PIEZO2: variants seen among roughly 807,000 people sequenced by gnomAD.
PIEZO2 encodes the protein piezo type mechanosensitive ion channel component 2.
PIEZO2 carries 172 observed loss-of-function variants against 337.3 expected under a neutral mutation model. The observed-to-expected ratio is 0.51, with a 90% CI of 0.45 to 0.58. The LOEUF is 0.58. Ranked by LOEUF, PIEZO2 falls within the 20% of genes least tolerant of loss-of-function variation. PIEZO2 has a pLI of 0.00. For synonymous variants in PIEZO2, 1,251 were observed against 1,228.5 expected (o/e 1.02, Z -0.38); for missense variants, 3,028 against 3,391.3 (o/e 0.89, Z 2.66).
rs1358674215 is a variant in PIEZO2 at position 10,813,268 on chromosome 18, C to T, written c.918-5994G>A. Among the ~76,000 whole-genome samples the T allele has an allele frequency of 1.3e-5, 2 of 152,164 alleles. No homozygotes were observed. The highest frequency in any genetic ancestry group is 2.1e-4 in the South Asian group (1 of 4,830). ...TGCTGGCATTACAGGAGTGAGCCACCGCGCCCGGGCCATTTTAAACATTTT... is the reference window on the plus strand; with the variant it reads ...TGCTGGCATTACAGGAGTGAGCCACTGCGCCCGGGCCATTTTAAACATTTT... On this transcript the variant is annotated intron_variant, in intron 7 of 55. Coordinates refer to ENST00000674853, the MANE Select transcript of PIEZO2 (RefSeq NM_001378183.1). The surrounding 1 kb of genome is among the most constrained non-coding windows in gnomAD (Gnocchi z 4.2).
rs371136741 is a variant in PIEZO2, at chr18:10,696,432, A to G, written c.6935T>C (p.Val2312Ala). ...VYVLMFLADT[V>A]DFIIIVFGFW... ...GCCGAAGACAATGATGATGAAGTCC[A>G]CAGTGTCAGCCAGGAACATGAGTAC... is the stretch of plus-strand genomic sequence containing the variant. Residue 2312 changes from valine to alanine, a missense_variant, in exon 46 of 56, where the codon GTG becomes GCG. Physicochemically the swap from Val to Ala is moderately conservative, Grantham distance 64. This residue lies in a region of PIEZO2 where 1,925 missense variants were observed against 2,051.9 expected (regional missense o/e 0.94). Transcript: ENST00000674853. 3 of 1,614,130 alleles carry G rather than the reference A, an allele frequency of 1.9e-6. No individual in the cohort carries two copies. The highest frequency in any genetic ancestry group is 2.7e-5 in the African/African-American group (2 of 74,942).
Position 10,829,699 on chromosome 18 carries a change from A to G in PIEZO2, c.918-22425T>C, listed in dbSNP as rs2040785338. 1.3e-5 allele frequency among the ~76,000 whole-genome samples: 2 copies of G among 152,218 alleles called. 1 individual carries two copies. The highest frequency in any genetic ancestry group is 4.1e-4 in the South Asian group (2 of 4,836). ...AGAAAACAAGAAAGTGATCACATTT[A>G]TAACAGTTACAAACAAAACAAAATA... On this transcript the variant is annotated intron_variant, in intron 7 of 55. Transcript: ENST00000674853.
Position 10,787,128 on chromosome 18 carries a change from A to C in PIEZO2, c.2226T>G (p.Ile742Met). The change falls in exon 16 of 56, where the codon ATT becomes ATG. Residue 742 changes from isoleucine (I) to methionine (M), a missense_variant. Ile to Met is a conservative substitution (Grantham distance 10, BLOSUM62 1). Coordinates refer to ENST00000674853, the MANE Select transcript of PIEZO2 (RefSeq NM_001378183.1). ...ILKYFWMSVV[I>M]YTMLVLIFIY... ...TAAAGATAAGCACCAGCATAGTGTA[A>C]ATAACCACTGACATCCAAAAATATT... is the stretch of plus-strand genomic sequence containing the variant. The C allele has an allele frequency of 6.5e-7, 1 of 1,535,732 alleles. No individual in the cohort carries two copies. Among genetic ancestry groups the C allele is most frequent in the Non-Finnish European group, 8.7e-7 (1 of 1,146,116 alleles).
At chr18:10,692,818 C>T (rs2034910002) in intron 47 of PIEZO2, among the ~76,000 whole-genome samples, 1 of 152,138 alleles carries the variant, frequency 6.6e-6, no homozygotes, top group African/African-American at 2.4e-5. Flanking sequence ...CAATACTGTT[C>T]TTTTTCAAAG....
intron 3 of PIEZO2, among the ~76,000 whole-genome samples, chr18:10,968,076 C>T (rs1025163821): frequency 6.6e-6 from 1 of 152,022 alleles, no homozygotes; most frequent in Non-Finnish European, 1.5e-5. Context: ...ATTTTTATGG[C>T]TTCAGGTCTT....
In PIEZO2 at chr18:11,050,792, C is replaced by CTATATATATATATATTATA. The variant is rs528083260; in HGVS notation, c.160+15334_160+15335insTATAATATATATATATATA. 2.2e-4 allele frequency among the ~76,000 whole-genome samples: 32 copies of CTATATATATATATATTATA among 143,866 alleles called. No homozygotes were observed. The South Asian group carries it at 6.9e-3, about 31-fold the overall frequency. The allele number at this position is 143,866 out of a possible 152,430, so 94.4% of individuals were successfully genotyped here. On this transcript the variant is annotated intron_variant, in intron 2 of 55. Coordinates refer to ENST00000674853, the MANE Select transcript of PIEZO2 (RefSeq NM_001378183.1). ...AAATGTTGGAAAAGATCCTAAAAAA[C>CTATATATATATATATTATA]TATATATATATAAAATTAATAATAA...
At chr18:10,997,241 C>A (rs575495444) in intron 2 of PIEZO2, among the ~76,000 whole-genome samples, 2 of 147,476 alleles carry the variant, frequency 1.4e-5, no homozygotes, top group Admixed American at 1.4e-4. Context: ...GATTGACTGC[C>A]TGCAAAAAAA....
chr18:10,706,239 G>A (rs2035581417), intron 40 of PIEZO2, among the ~76,000 whole-genome samples: 1 of 152,200 alleles, frequency 6.6e-6, no homozygotes, highest in South Asian at 2.1e-4. Context: ...GAATGGGAAT[G>A]GGAATGATTA....
In PIEZO2 at chr18:11,009,074, C is replaced by T. The variant is rs141772940; in HGVS notation, c.161-29414G>A. Among the ~76,000 whole-genome samples, 1,721 of 152,276 alleles carry T rather than the reference C, an allele frequency of 0.011. 34 individuals carry two copies. Among genetic ancestry groups the T allele is most frequent in the African/African-American group, 0.039 (1,632 of 41,548 alleles). ...TTGAATTCTGTTACTTAACTACGTA[C>T]GTGATTGTGTTCAAATCCTTCAGAA... On this transcript the variant is annotated intron_variant, in intron 2 of 55. Coordinates refer to ENST00000674853, the MANE Select transcript of PIEZO2 (RefSeq NM_001378183.1). This position sits in a 1 kb window ranked among gnomAD's most constrained non-coding sequence, Gnocchi z 4.6.
At chr18:10,739,039 T>C (rs1009238455) in intron 33 of PIEZO2, 2 of 152,216 alleles carry the variant, frequency 1.3e-5, no homozygotes, top group African/African-American at 4.8e-5. Flanking sequence ...GAAATAGCTG[T>C]TTGAAAGCCC....
rs1272259692 is a variant in PIEZO2, at chr18:10,741,092, G to A, written c.4647C>T (p.Asp1549=). The A allele has an allele frequency of 7.8e-6, 12 of 1,534,154 alleles. No homozygotes were observed. Among genetic ancestry groups the A allele is most frequent in the Non-Finnish European group, 1.0e-5 (12 of 1,145,498 alleles). The part of the protein sequence containing the change: ...LSEEDDEREA[D]KQKAKGKKKQ... ...TTTTTTTGCCCTTGGCTTTCTGTTT[G>A]TCTGCTTCTCCTAAAATAAAATACG... The change falls in exon 33 of 56, where the codon GAC becomes GAT. Residue 1549 remains aspartate (D), a synonymous_variant. Transcript: ENST00000674853.
chr18:10,950,840 A>G (rs1051100866), intron 3 of PIEZO2, among the ~76,000 whole-genome samples: 5 of 152,238 alleles, frequency 3.3e-5, no homozygotes, highest in Non-Finnish European at 7.3e-5. Context: ...GAATTAGACA[A>G]TAAGCCTCGC....
At chr18:10,760,357 T>C (rs2038073566) in intron 24 of PIEZO2, among the ~76,000 whole-genome samples, 1 of 152,204 alleles carries the variant, frequency 6.6e-6, no homozygotes, top group South Asian at 2.1e-4. Context: ...CAGGCTAGAG[T>C]GCAGTGGTGC....
At chr18:10,900,757 ACT>A (rs1222941978) in intron 4 of PIEZO2, among the ~76,000 whole-genome samples, 1 of 151,976 alleles carries the variant, frequency 6.6e-6, no homozygotes, top group Non-Finnish European at 1.5e-5. Flanking sequence ...ACCCTGGCAA[ACT>A]CTCATCCAGA....
chr18:10,932,601 G>GA (rs1292354832), intron 3 of PIEZO2, among the ~76,000 whole-genome samples: 1 of 152,060 alleles, frequency 6.6e-6, no homozygotes, highest in African/African-American at 2.4e-5. Context: ...TGACATGATT[G>GA]AAAATTACAG....
At position 10,884,815 on chromosome 18, in the gene PIEZO2, A is replaced by G. The variant is rs563597484; in HGVS notation, c.330-13400T>C. Among the ~76,000 whole-genome samples, 14 of 152,334 alleles carry G rather than the reference A, an allele frequency of 9.2e-5. No homozygotes were observed. In the East Asian group the frequency reaches 2.5e-3, roughly 27 times the overall value. On this transcript the variant is annotated intron_variant, in intron 4 of 55. Coordinates refer to ENST00000674853, the MANE Select transcript of PIEZO2 (RefSeq NM_001378183.1). The stretch of plus-strand genomic sequence containing the variant: ...ACAGAGTAGCACATTTATCCTCTTT[A>G]TAAACACTGGGTCAGGAGAAAAAAG...
chr18:11,012,899 C>A (rs563545566), intron 2 of PIEZO2, among the ~76,000 whole-genome samples: 43 of 152,022 alleles, frequency 2.8e-4, no homozygotes, highest in Admixed American at 2.8e-3. Context: ...TAAAAATTAG[C>A]CAGGCATGAT....
At chr18:10,807,963 C>G (rs2144334608) in intron 7 of PIEZO2, among the ~76,000 whole-genome samples, 1 of 152,238 alleles carries the variant, frequency 6.6e-6, no homozygotes, top group South Asian at 2.1e-4. Flanking sequence ...TAATGGAAAA[C>G]TGTGTAAAAT....
At position 10,834,547 on chromosome 18, in the gene PIEZO2, G is replaced by T. The variant is rs76012839; in HGVS notation, c.917+20806C>A. The stretch of plus-strand genomic sequence containing the variant: ...AGAGTCTTTTTGGGAGAATGCAACA[G>T]AATGTGATTGAATCCCTGCTGGGTG... On this transcript the variant is annotated intron_variant, in intron 7 of 55. Transcript: ENST00000674853. The surrounding 1 kb of genome is among the most constrained non-coding windows in gnomAD (Gnocchi z 4.5). Among the ~76,000 whole-genome samples, 3,548 of 152,278 alleles carry T rather than the reference G, an allele frequency of 0.023. 149 individuals are homozygous for T. Among genetic ancestry groups the T allele is most frequent in the African/African-American group, 0.081 (3,363 of 41,534 alleles).
Sources: gnomAD v4.1 joint callset for allele counts (sites outside exome capture counted in the v4.1 genomes callset) on GRCh38, gnomAD v4.1.1 for gene constraint, gnomAD v4.1.1 regional missense constraint, Gnocchi (gnomAD v3.1) non-coding constraint, MANE v1.5 for transcripts, NCBI Gene and HGNC (gene_info 2026-07-23, HGNC 2026-07-21) for gene names.